YARS1: variants seen among roughly 807,000 people sequenced by gnomAD.
YARS1 encodes tyrosyl-tRNA synthetase 1.
A neutral mutation model predicts 62.2 loss-of-function variants in YARS1; 36 were observed. The observed-to-expected ratio is 0.58, with a 90% CI of 0.44 to 0.76. The LOEUF (loss-of-function observed/expected upper bound fraction) is 0.76, where lower values mean the gene tolerates loss of function less well. Ranked by LOEUF, YARS1 falls within the 30% of genes least tolerant of loss-of-function variation. The probability of loss-of-function intolerance (pLI) is 0.00; values close to 1 mark genes in which losing one functional copy is unlikely to be tolerated. For missense variants in YARS1, 524 were observed against 639.8 expected (o/e 0.82, Z 1.95); for synonymous variants, 234 against 244.9 (o/e 0.96, Z 0.42).
chr1:32,784,008 C>CT (rs201644360), intron 8 of YARS1, among the ~76,000 whole-genome samples: 20,707 of 142,008 alleles, frequency 0.15, 1,810 homozygotes, highest in East Asian at 0.3. Flanking sequence ...CCACAAAAGA[C>CT]TTTTTTTTTT....
intron 1 of YARS1, 130 bp from the exon 2 acceptor site, chr1:32,811,187 A>T: frequency 7.3e-7 from 1 of 1,364,304 alleles, no homozygotes; most frequent in Non-Finnish European, 1.0e-6. Context: ...AGGTCCAGCC[A>T]TGTTCTCAGT....
At chr1:32,800,473 C>T (rs1638252400) in intron 4 of YARS1, among the ~76,000 whole-genome samples, 1 of 151,954 alleles carries the variant, frequency 6.6e-6, no homozygotes, top group Admixed American at 6.6e-5. Context: ...GACCCTGTCT[C>T]TACAAAAAAT....
intron 10 of YARS1, 21 bp downstream of exon 10, chr1:32,781,027 G>C: frequency 6.2e-7 from 1 of 1,610,244 alleles, no homozygotes; most frequent in Non-Finnish European, 8.5e-7. Flanking sequence ...GCCTCTCTGA[G>C]ATGTGGTGAA....
chr1:32,814,156 T>C (rs1480215921), intron 1 of YARS1, among the ~76,000 whole-genome samples: 1 of 152,236 alleles, frequency 6.6e-6, no homozygotes, highest in Non-Finnish European at 1.5e-5. Context: ...ACTCATGCTC[T>C]TGACTTCTTA....
In YARS1 at chr1:32,780,201, C is replaced by G. The variant is rs699005; in HGVS notation, c.1218G>C (p.Leu406=). Residue 406 remains leucine (L), a synonymous_variant, in exon 11 of 13, where the codon CTG becomes CTC. Transcript: ENST00000373477. ...EAEPRTVVSG[L]VQFVPKEELQ... ...GTTCCTCCTTGGGCACGAACTGTAC[C>G]AGGCCGCTCACCACAGTCCGTGGTT... The G allele has an allele frequency of 0.098, 158,153 of 1,614,056 alleles. 8,652 individuals carry two copies. Among genetic ancestry groups the G allele is most frequent in the Admixed American group, 0.2 (11,941 of 60,000 alleles).
chr1:32,786,786 C>CATTACATCATTTAAGTAAAA, intron 7 of YARS1, 154 bp downstream of exon 7: 1 of 1,066,892 alleles, frequency 9.4e-7, no homozygotes, highest in Admixed American at 2.5e-5. Flanking sequence ...AATTACATCC[C>CATTACATCATTTAAGTAAAA]AACATCATTC....
intron 4 of YARS1, among the ~76,000 whole-genome samples, chr1:32,802,978 A>AC (rs1374994869): frequency 0.11 from 10,126 of 89,550 alleles, 574 homozygotes; most frequent in Admixed American, 0.2. Flanking sequence ...ACGCCTGGCT[A>AC]TTTTTTTTTT....
chr1:32,787,066 T>C lies in YARS1; in HGVS notation c.694A>G (p.Ile232Val), dbSNP rs1431482896. ...KMSSSEEESK[I>V]DLLDRKEDVK... is the part of the protein sequence containing the mutation. ...TCCTCCTTCCGATCAAGGAGATCAA[T>C]CTTGGACTCCTAGAAGTCATAGAAC... The change falls in exon 7 of 13, where the codon ATT (isoleucine) becomes GTT (valine). Residue 232 changes from isoleucine to valine, a missense_variant. Coordinates refer to ENST00000373477, the MANE Select transcript of YARS1 (RefSeq NM_003680.4). The C allele has an allele frequency of 6.2e-7, 1 of 1,614,044 alleles. No homozygotes were observed. Among genetic ancestry groups the C allele is most frequent in the East Asian group, 2.2e-5 (1 of 44,898 alleles).
intron 4 of YARS1, among the ~76,000 whole-genome samples, chr1:32,800,412 G>A (rs1164598637): frequency 6.6e-6 from 1 of 152,094 alleles, no homozygotes; most frequent in African/African-American, 2.4e-5. Context: ...GACTAAGGCA[G>A]GAGGATCACT....
chr1:32,782,654 G>A, intron 8 of YARS1, 115 bp from the exon 9 acceptor site: 1 of 1,430,690 alleles, frequency 7.0e-7, no homozygotes, highest in Non-Finnish European at 9.7e-7. Context: ...TGATCCTTGT[G>A]ATAATCTTGT....
chr1:32,794,605 G>T (rs1260306356), intron 5 of YARS1, among the ~76,000 whole-genome samples: 4 of 151,934 alleles, frequency 2.6e-5, no homozygotes, highest in Non-Finnish European at 4.4e-5. Flanking sequence ...GGCCAGGCTG[G>T]TCTCAAGCTT....
intron 8 of YARS1, among the ~76,000 whole-genome samples, chr1:32,784,913 G>T (rs534212240): frequency 2.6e-5 from 4 of 152,152 alleles, no homozygotes; most frequent in Non-Finnish European, 5.9e-5. Flanking sequence ...TTTTGTTCAA[G>T]TGTCTGTTGA....
chr1:32,784,619 C>T (rs1653161985), intron 8 of YARS1, among the ~76,000 whole-genome samples: 1 of 152,130 alleles, frequency 6.6e-6, no homozygotes, highest in East Asian at 1.9e-4. Context: ...GTCTCCTCCA[C>T]AAGCTTTTCT....
chr1:32,794,547 G>A (rs977904960), intron 5 of YARS1, among the ~76,000 whole-genome samples: 5 of 152,038 alleles, frequency 3.3e-5, no homozygotes, highest in East Asian at 2.0e-4. Context: ...ACACCACTGC[G>A]TCTGGCTAAT....
intron 10 of YARS1, 99 bp downstream of exon 10, chr1:32,780,949 A>G: frequency 9.4e-7 from 1 of 1,067,666 alleles, no homozygotes; most frequent in Non-Finnish European, 1.5e-6. Flanking sequence ...ATATGACCTC[A>G]GGATGTTACT....
At position 32,781,029 on chromosome 1, in the gene YARS1, TGTG is replaced by T; in HGVS notation, c.1140+16_1140+18del. ...CTGACCCCAATCTGCCTCTCTGAGA[TGTG>T]GTGAAAAATGAGTACCTTCTCCACA... On this transcript the variant is annotated intron_variant, in intron 10 of 12. Coordinates refer to ENST00000373477, the MANE Select transcript of YARS1 (RefSeq NM_003680.4). 3 of 1,611,570 alleles carry T rather than the reference TGTG, an allele frequency of 1.9e-6. No homozygotes were observed. Among genetic ancestry groups the T allele is most frequent in the Non-Finnish European group, 2.5e-6 (3 of 1,177,634 alleles).
At chr1:32,808,502 T>A (rs1445735403) in intron 3 of YARS1, among the ~76,000 whole-genome samples, 2 of 152,142 alleles carry the variant, frequency 1.3e-5, no homozygotes, top group East Asian at 3.9e-4. Context: ...TGCCTGGCCC[T>A]AAAGTCATTT....
chr1:32,779,293 G>A (rs1652978679), intron 12 of YARS1, 89 bp downstream of exon 12: 1 of 1,605,670 alleles, frequency 6.2e-7, no homozygotes, highest in Admixed American at 1.7e-5. Flanking sequence ...TCCCAACAGA[G>A]AGGGGCAGCT....
intron 9 of YARS1, 93 bp downstream of exon 9, chr1:32,782,311 T>G: frequency 6.2e-7 from 1 of 1,604,594 alleles, no homozygotes; most frequent in Non-Finnish European, 8.5e-7. Context: ...CCCCCTGGGT[T>G]GTTGTGCCCT....
Sources: gnomAD v4.1 joint callset for allele counts (sites outside exome capture counted in the v4.1 genomes callset) on GRCh38, gnomAD v4.1.1 for gene constraint, MANE v1.5 for transcripts, NCBI Gene and HGNC (gene_info 2026-07-23, HGNC 2026-07-21) for gene names.